Variants in CETP observed in about 807,000 individuals in gnomAD.
The protein encoded by CETP is BPI fold containing family F.
CETP carries 56 observed loss-of-function variants against 66.5 expected under a neutral mutation model. The observed-to-expected ratio is 0.84, with a 90% CI of 0.68 to 1.05. The LOEUF is 1.05. CETP is among the 50% of genes least tolerant of loss of function. The probability of loss-of-function intolerance (pLI) is 0.00; values close to 1 mark genes in which losing one functional copy is unlikely to be tolerated. For missense variants in CETP, 612 were observed against 609.6 expected (o/e 1.00, Z -0.04); for synonymous variants, 251 against 245.7 (o/e 1.02, Z -0.20).
At chr16:56,973,247 TG>T in intron 8 of CETP, 83 bp from the exon 9 acceptor site, 1 of 1,429,008 alleles carries the variant, frequency 7.0e-7, no homozygotes, top group Non-Finnish European at 9.8e-7. Context: ...GGCTGAATGC[TG>T]GGGCTCCTCC....
intron 8 of CETP, among the ~76,000 whole-genome samples, chr16:56,972,420 G>T (rs2056118837): frequency 6.6e-6 from 1 of 152,210 alleles, no homozygotes; most frequent in South Asian, 2.1e-4. Flanking sequence ...AAAAGCTTTG[G>T]ACCCTCTATT....
At chr16:56,975,236 C>T in intron 10 of CETP, 85 bp downstream of exon 10, 3 of 1,149,508 alleles carry the variant, frequency 2.6e-6, no homozygotes, top group Non-Finnish European at 2.6e-6. Flanking sequence ...CAGCCAATAA[C>T]ACCACCAATG....
intron 2 of CETP, among the ~76,000 whole-genome samples, chr16:56,963,681 A>AT (rs1412837497): frequency 6.6e-6 from 1 of 151,872 alleles, no homozygotes; most frequent in Non-Finnish European, 1.5e-5. Context: ...CTTGTTTTTC[A>AT]TTTTTTGAGA....
Position 56,962,080 on chromosome 16 carries a change from A to C in CETP, c.101A>C (p.Lys34Thr). ...HEAGIVCRIT[K>T]PALLVLNHET... ...GCAGGCATCGTGTGCCGCATCACCA[A>C]GCCTGCCCTCCTGGTGTGTAAGTAT... Residue 34 changes from lysine (K) to threonine (T), a missense_variant, in exon 1 of 16, where the codon AAG (lysine) becomes ACG (threonine). Lys to Thr is a moderately conservative substitution (Grantham distance 78, BLOSUM62 -1). Transcript: ENST00000200676. 2 of 1,613,888 alleles carry C rather than the reference A, an allele frequency of 1.2e-6. No individual in the cohort carries two copies. The highest frequency in any genetic ancestry group is 1.1e-5 in the South Asian group (1 of 91,070).
intron 2 of CETP, among the ~76,000 whole-genome samples, chr16:56,967,001 G>T (rs2056071973): frequency 6.6e-6 from 1 of 152,086 alleles, no homozygotes; most frequent in Admixed American, 6.5e-5. Flanking sequence ...CATCCAAGGA[G>T]GTTAGTGTAT....
chr16:56,966,768 C>CTT (rs35404403), intron 2 of CETP, among the ~76,000 whole-genome samples: 6 of 138,504 alleles, frequency 4.3e-5, no homozygotes, highest in Admixed American at 7.2e-5. Context: ...CCCGGCTAAT[C>CTT]TTTTTTTTTT....
chr16:56,963,994 A>T (rs755410469), intron 2 of CETP, among the ~76,000 whole-genome samples: 1,132 of 12,146 alleles, frequency 0.093, 13 homozygotes, highest in African/African-American at 0.21. Context: ...TCTTTATTTT[A>T]TTTATTTATT....
Position 56,973,698 on chromosome 16 carries a change from G to A in CETP, c.930+188G>A, listed in dbSNP as rs158477. Among the ~76,000 whole-genome samples the A allele has an allele frequency of 0.49, 74,599 of 152,064 alleles. 18,642 individuals are homozygous for A. The highest frequency in any genetic ancestry group is 0.57 in the Middle Eastern group (168 of 294). On this transcript the variant is annotated intron_variant, in intron 9 of 15. Coordinates refer to ENST00000200676, the MANE Select transcript of CETP (RefSeq NM_000078.3). ...CACCTGTAATCCCAATCCTTTGGGA[G>A]GCTGAGATGTAGCAGGACGAACCGC...
At chr16:56,968,135 T>C (rs768819242) in intron 2 of CETP, among the ~76,000 whole-genome samples, 1 of 151,500 alleles carries the variant, frequency 6.6e-6, no homozygotes, top group Non-Finnish European at 1.5e-5. Flanking sequence ...ATAGTAGGAG[T>C]ATATATTTAT....
intron 11 of CETP, among the ~76,000 whole-genome samples, chr16:56,979,238 T>A (rs538864930): frequency 6.6e-6 from 1 of 152,204 alleles, no homozygotes; most frequent in African/African-American, 2.4e-5. Flanking sequence ...TCTGTGAATT[T>A]GTAAAAGTAG....
intron 14 of CETP, among the ~76,000 whole-genome samples, chr16:56,982,454 A>T (rs1009145332): frequency 6.6e-6 from 1 of 152,042 alleles, no homozygotes. Context: ...GCAGAATATT[A>T]TCTTTGCCAC....
intron 10 of CETP, among the ~76,000 whole-genome samples, chr16:56,976,556 C>A (rs148499130): frequency 6.6e-6 from 1 of 151,534 alleles, no homozygotes; most frequent in East Asian, 2.0e-4. Flanking sequence ...ACTGCAACCT[C>A]CACCTTCCGG....
chr16:56,973,147 G>A (rs1469797809), intron 8 of CETP, among the ~76,000 whole-genome samples, 184 bp from the exon 9 acceptor site: 1 of 152,164 alleles, frequency 6.6e-6, no homozygotes, highest in African/African-American at 2.4e-5. Context: ...AGACATAGTG[G>A]GCACTCCGGA....
chr16:56,976,574 C>T (rs117427818), intron 10 of CETP, among the ~76,000 whole-genome samples: 5,383 of 151,836 alleles, frequency 0.035, 154 homozygotes, highest in Admixed American at 0.071. Flanking sequence ...CGGGTTCAAG[C>T]AATTCTCCTG....
At chr16:56,962,123 C>G in intron 1 of CETP, 26 bp downstream of exon 1, 1 of 1,585,126 alleles carries the variant, frequency 6.3e-7, no homozygotes, top group Non-Finnish European at 8.7e-7. Context: ...TCTGTCTGCC[C>G]TGCCAGGGGT....
intron 2 of CETP, among the ~76,000 whole-genome samples, chr16:56,969,040 C>T (rs1022987561): frequency 6.6e-6 from 1 of 152,018 alleles, no homozygotes; most frequent in Non-Finnish European, 1.5e-5. Context: ...TGACTCTCTC[C>T]GGGCGTTCTT....
intron 5 of CETP, among the ~76,000 whole-genome samples, 194 bp downstream of exon 5, chr16:56,970,195 C>T (rs189634663): frequency 3.9e-5 from 6 of 152,332 alleles, no homozygotes; most frequent in African/African-American, 7.2e-5. Flanking sequence ...CAACAATAAC[C>T]AACAGCTAGT....
chr16:56,967,828 G>T (rs533518575), intron 2 of CETP, among the ~76,000 whole-genome samples: 1 of 152,180 alleles, frequency 6.6e-6, no homozygotes, highest in East Asian at 1.9e-4. Context: ...TAGCCAGGCA[G>T]TGTTGGTGCA....
At position 56,972,011 on chromosome 16, in the gene CETP, A is replaced by G; in HGVS notation, c.678A>G (p.Gly226=). The G allele has an allele frequency of 6.2e-7, 1 of 1,614,038 alleles. No homozygotes were observed. Among genetic ancestry groups the G allele is most frequent in the Non-Finnish European group, 8.5e-7 (1 of 1,179,988 alleles). ...CTGCAGCCAGCATCCTTTCAGATGG[A>G]GACATTGGGGTGGACATTTCCCTGA... ...QTRAASILSD[G]DIGVDISLTG... Residue 226 remains glycine (G), a synonymous_variant, in exon 8 of 16, where the codon GGA becomes GGG. Transcript: ENST00000200676.
Sources: allele counts gnomAD v4.1 joint callset (sites outside exome capture counted in the v4.1 genomes callset), GRCh38; gene constraint gnomAD v4.1.1; transcripts MANE v1.5; gene names NCBI Gene and HGNC (gene_info 2026-07-23, HGNC 2026-07-21).